EDEM2: variants seen among roughly 807,000 people sequenced by gnomAD.
EDEM2 encodes ER degradation enhancing alpha-mannosidase like protein 2.
A neutral mutation model predicts 64.8 loss-of-function variants in EDEM2; 39 were observed. The ratio of observed to expected loss-of-function variants is 0.60; its 90% CI spans 0.47 to 0.79. The LOEUF (loss-of-function observed/expected upper bound fraction) is 0.79, where lower values mean the gene tolerates loss of function less well. Ranked by LOEUF, EDEM2 falls within the 30% of genes least tolerant of loss-of-function variation. EDEM2 has a pLI of 0.00. For missense variants in EDEM2, 609 were observed against 731.3 expected (o/e 0.83, Z 1.93); for synonymous variants, 296 against 291.5 (o/e 1.02, Z -0.16).
intron 5 of EDEM2, 39 bp from the exon 6 acceptor site, chr20:35,134,988 G>A (rs1328457790): frequency 1.0e-5 from 16 of 1,601,220 alleles, no homozygotes; most frequent in Non-Finnish European, 1.2e-5. Context: ...ACAGGAGCAG[G>A]GGGATAGGGA....
intron 8 of EDEM2, among the ~76,000 whole-genome samples, chr20:35,125,004 T>C (rs563295999): frequency 6.6e-6 from 1 of 152,358 alleles, no homozygotes; most frequent in African/African-American, 2.4e-5. Flanking sequence ...TTACTATTAA[T>C]GTAATCTCAC....
intron 1 of EDEM2, 27 bp from the exon 2 acceptor site, chr20:35,146,962 T>C (rs2085742453): frequency 5.0e-6 from 8 of 1,605,768 alleles, no homozygotes; most frequent in Middle Eastern, 1.6e-4. Context: ...AAATCAGGCA[T>C]GGGGCAAGAA....
chr20:35,145,988 G>A (rs1247748113), intron 2 of EDEM2, among the ~76,000 whole-genome samples: 1 of 127,144 alleles, frequency 7.9e-6, no homozygotes, highest in Non-Finnish European at 1.6e-5. Flanking sequence ...GGTAACAAGA[G>A]CGAAACTCCA....
intron 9 of EDEM2, among the ~76,000 whole-genome samples, chr20:35,121,566 G>A (rs372590318): frequency 6.6e-6 from 1 of 152,334 alleles, no homozygotes; most frequent in East Asian, 1.9e-4. Flanking sequence ...CTGCTCTAGA[G>A]GAAGGAGACA....
chr20:35,137,398 G>A (rs1025972965), intron 5 of EDEM2, among the ~76,000 whole-genome samples: 1 of 152,128 alleles, frequency 6.6e-6, no homozygotes, highest in South Asian at 2.1e-4. Context: ...CAGCCTGGGC[G>A]ACAGAACAAG....
chr20:35,145,996 C>T (rs1162908394), intron 2 of EDEM2, among the ~76,000 whole-genome samples: 1 of 121,292 alleles, frequency 8.2e-6, no homozygotes, highest in Non-Finnish European at 1.6e-5. Context: ...GAGCGAAACT[C>T]CATCTCAAAA....
intron 4 of EDEM2, among the ~76,000 whole-genome samples, chr20:35,139,788 G>T (rs2085628102): frequency 1.3e-5 from 2 of 151,942 alleles, no homozygotes; most frequent in African/African-American, 4.8e-5. Context: ...TTAATGCTGG[G>T]TGATGGGCAC....
intron 2 of EDEM2, among the ~76,000 whole-genome samples, chr20:35,145,916 C>T (rs2085723827): frequency 1.4e-5 from 2 of 147,388 alleles, no homozygotes; most frequent in African/African-American, 5.1e-5. Flanking sequence ...GCAGGAGAAT[C>T]GCTTGAAGCC....
Position 35,131,772 on chromosome 20 carries a change from G to A in EDEM2, c.714C>T (p.His238=), listed in dbSNP as rs751814252. 1.1e-5 allele frequency: 17 copies of A among 1,613,866 alleles called. No homozygotes were observed. The highest frequency in any genetic ancestry group is 5.0e-5 in the Admixed American group (3 of 59,978). ...SRSDIGLVGN[H]IDVLTGKWVA... The stretch of plus-strand genomic sequence containing the variant: ...CCCACTTGCCAGTGAGCACATCAAT[G>A]TGGTTGCCGACCTGAGAGAGAGAAA... The change falls in exon 7 of 11, where the codon CAC becomes CAT. Residue 238 remains histidine, a synonymous_variant. Coordinates refer to ENST00000374492, the MANE Select transcript of EDEM2 (RefSeq NM_018217.3).
intron 6 of EDEM2, chr20:35,133,984 T>G (rs1206541708): frequency 4.9e-6 from 2 of 410,648 alleles, no homozygotes; most frequent in Non-Finnish European, 9.7e-6. Context: ...TCACACAGTT[T>G]CGATGTAGCA....
chr20:35,121,466 G>A (rs1000054781), intron 9 of EDEM2, among the ~76,000 whole-genome samples: 3 of 152,308 alleles, frequency 2.0e-5, no homozygotes, highest in Admixed American at 1.3e-4. Context: ...AGCTTTGCTT[G>A]CTCACACGCA....
intron 5 of EDEM2, among the ~76,000 whole-genome samples, chr20:35,137,234 G>A (rs1468479322): frequency 2.6e-5 from 4 of 152,058 alleles, no homozygotes; most frequent in Non-Finnish European, 1.5e-5. Context: ...CCTGATCAAC[G>A]TGGCGAAACT....
In EDEM2 at chr20:35,123,340, C is replaced by T. The variant is rs1487148146; in HGVS notation, c.1114+550G>A. On this transcript the variant is annotated intron_variant, in intron 9 of 10. Coordinates refer to ENST00000374492, the MANE Select transcript of EDEM2 (RefSeq NM_018217.3). The stretch of plus-strand genomic sequence containing the variant: ...AGTCGCAGTGGCTCACATCTGTAAT[C>T]CCAGCACTTTGGGAGGCCAAGGTGG... Among the ~76,000 whole-genome samples the T allele has an allele frequency of 3.3e-5, 5 of 152,158 alleles. No homozygotes were observed. The South Asian group carries it at 8.3e-4, about 25-fold the overall frequency.
intron 1 of EDEM2, 50 bp downstream of exon 1, chr20:35,147,102 G>A: frequency 6.4e-7 from 1 of 1,571,326 alleles, no homozygotes; most frequent in South Asian, 1.2e-5. Flanking sequence ...GGAAAGGACC[G>A]GGTTCACGCT....
chr20:35,121,354 G>A (rs1940285113), intron 9 of EDEM2, among the ~76,000 whole-genome samples: 1 of 152,172 alleles, frequency 6.6e-6, no homozygotes, highest in Non-Finnish European at 1.5e-5. Context: ...GTTCACAATA[G>A]GGTTTGTGCT....
intron 10 of EDEM2, 109 bp from the exon 11 acceptor site, chr20:35,116,042 T>G: frequency 1.6e-6 from 2 of 1,216,882 alleles, no homozygotes. Context: ...TGAGGGCCTG[T>G]GAGCAAATCA....
chr20:35,128,611 A>G (rs1381242619), intron 7 of EDEM2, among the ~76,000 whole-genome samples: 2 of 149,798 alleles, frequency 1.3e-5, no homozygotes, highest in Non-Finnish European at 3.0e-5. Context: ...TCCTTCAAGG[A>G]ATTCCAGAAG....
intron 9 of EDEM2, among the ~76,000 whole-genome samples, chr20:35,119,332 T>C (rs2065109): frequency 0.61 from 92,751 of 152,038 alleles, 28,504 homozygotes; most frequent in Admixed American, 0.71. Flanking sequence ...GGGTGGCTCA[T>C]GCCTGTAATC....
intron 9 of EDEM2, among the ~76,000 whole-genome samples, chr20:35,121,699 T>C (rs968818151): frequency 3.3e-5 from 5 of 152,174 alleles, no homozygotes; most frequent in Non-Finnish European, 5.9e-5. Context: ...TCTGGCCAAT[T>C]TAGTGAAAGA....
Sources: allele counts gnomAD v4.1 joint callset (sites outside exome capture counted in the v4.1 genomes callset), GRCh38; gene constraint gnomAD v4.1.1; transcripts MANE v1.5; gene names NCBI Gene and HGNC (gene_info 2026-07-23, HGNC 2026-07-21).